Variants in DPP10 observed in about 807,000 individuals in gnomAD.
DPP10 encodes the protein inactive dipeptidyl peptidase 10.
Under a neutral mutation model 120.9 loss-of-function variants are expected in DPP10, and 33 were observed. The observed-to-expected ratio is 0.27, with a 90% CI of 0.21 to 0.37. The LOEUF (loss-of-function observed/expected upper bound fraction) is 0.37, where lower values mean the gene tolerates loss of function less well. DPP10 is among the 10% of genes least tolerant of loss of function. The pLI, the probability that DPP10 is intolerant of heterozygous loss-of-function variation, is 1.00. For missense variants in DPP10, 816 were observed against 942.8 expected (o/e 0.87, Z 1.76); for synonymous variants, 337 against 326.1 (o/e 1.03, Z -0.36).
chr2:115,657,060 A>G (rs1171111152), intron 5 of DPP10, among the ~76,000 whole-genome samples: 2 of 151,834 alleles, frequency 1.3e-5, no homozygotes, highest in East Asian at 3.9e-4. Flanking sequence ...GATTTATTGT[A>G]GATTATACAT....
At chr2:115,818,341 G>T (rs1339668502) in intron 21 of DPP10, among the ~76,000 whole-genome samples, 2 of 152,182 alleles carry the variant, frequency 1.3e-5, no homozygotes, top group Non-Finnish European at 2.9e-5. Context: ...AAAAGTACAT[G>T]CAGTAGGGAA....
intron 13 of DPP10, among the ~76,000 whole-genome samples, chr2:115,768,840 T>C (rs903538579): frequency 6.6e-6 from 1 of 152,060 alleles, no homozygotes; most frequent in Non-Finnish European, 1.5e-5. Context: ...GAATAAATTA[T>C]GGCACATCCC....
chr2:115,468,809 G>A, intron 3 of DPP10: 1 of 453,908 alleles, frequency 2.2e-6, no homozygotes, highest in East Asian at 5.8e-5. Context: ...AGGTGTGCAG[G>A]TGCCCTCTGT....
chr2:115,766,047 C>T (rs1253220012), intron 12 of DPP10, among the ~76,000 whole-genome samples: 1 of 151,676 alleles, frequency 6.6e-6, no homozygotes, highest in Non-Finnish European at 1.5e-5. Flanking sequence ...TTATTGAGCT[C>T]AATTTACATG....
intron 1 of DPP10, among the ~76,000 whole-genome samples, chr2:114,818,865 C>A (rs1187149881): frequency 1.3e-5 from 2 of 152,104 alleles, no homozygotes; most frequent in Non-Finnish European, 2.9e-5. Flanking sequence ...CAATGCCATT[C>A]CCTAATAAAT....
chr2:115,452,572 A>C (rs574051132), intron 3 of DPP10, among the ~76,000 whole-genome samples: 4 of 152,022 alleles, frequency 2.6e-5, no homozygotes, highest in African/African-American at 9.6e-5. Context: ...TCTGCTTGCA[A>C]GGTATCTGTG....
chr2:115,460,351 A>G (rs149966421), intron 3 of DPP10, among the ~76,000 whole-genome samples: 1 of 152,282 alleles, frequency 6.6e-6, no homozygotes, highest in East Asian at 1.9e-4. Context: ...ATAATGAAAT[A>G]CCAGGAGTTT....
intron 1 of DPP10, among the ~76,000 whole-genome samples, chr2:115,111,028 A>T (rs2049188977): frequency 6.6e-6 from 1 of 152,304 alleles, no homozygotes; most frequent in Admixed American, 6.5e-5. Flanking sequence ...AAATTATGTG[A>T]ATATGCAAAC....
intron 5 of DPP10, among the ~76,000 whole-genome samples, chr2:115,591,697 C>A (rs1243186204): frequency 6.6e-6 from 1 of 152,132 alleles, no homozygotes; most frequent in Non-Finnish European, 1.5e-5. Context: ...TGAAGAAAGT[C>A]ATTGGTAGCT....
intron 1 of DPP10, among the ~76,000 whole-genome samples, chr2:115,185,423 A>T (rs896122715): frequency 1.3e-5 from 2 of 152,172 alleles, no homozygotes; most frequent in African/African-American, 4.8e-5. Flanking sequence ...AAAGAAATAC[A>T]TTTAGTGACA....
intron 1 of DPP10, among the ~76,000 whole-genome samples, chr2:114,955,706 G>A (rs1262720678): frequency 6.6e-6 from 1 of 152,104 alleles, no homozygotes; most frequent in East Asian, 1.9e-4. Context: ...GCAAAATATA[G>A]CAAACCAAGT....
intron 1 of DPP10, among the ~76,000 whole-genome samples, chr2:114,533,884 T>C (rs1484087556): frequency 6.6e-6 from 1 of 152,232 alleles, no homozygotes; most frequent in African/African-American, 2.4e-5. Flanking sequence ...TTCACTGTGC[T>C]GGAAGCTCAC....
chr2:115,128,004 T>C (rs1393106544), intron 1 of DPP10, among the ~76,000 whole-genome samples: 1 of 152,184 alleles, frequency 6.6e-6, no homozygotes, highest in African/African-American at 2.4e-5. Context: ...AGAAAAACAA[T>C]AAAATAAAAT....
chr2:114,987,960 C>G (rs1020502490), intron 1 of DPP10, among the ~76,000 whole-genome samples: 4 of 151,850 alleles, frequency 2.6e-5, no homozygotes, highest in Non-Finnish European at 5.9e-5. Flanking sequence ...CCTGCCACCA[C>G]GCCCGGCTAA....
intron 1 of DPP10, among the ~76,000 whole-genome samples, chr2:114,693,742 C>T (rs1490228108): frequency 6.6e-6 from 1 of 151,926 alleles, no homozygotes; most frequent in Non-Finnish European, 1.5e-5. Flanking sequence ...TGTCTCTTTA[C>T]ATAATCCCAT....
At chr2:114,978,329 T>G (rs570253632) in intron 1 of DPP10, among the ~76,000 whole-genome samples, 1 of 152,332 alleles carries the variant, frequency 6.6e-6, no homozygotes, top group South Asian at 2.1e-4. Context: ...TCAGTAGGTC[T>G]CATTCAGTAG....
chr2:115,323,513 C>T (rs2062174750), intron 2 of DPP10, among the ~76,000 whole-genome samples: 1 of 152,150 alleles, frequency 6.6e-6, no homozygotes, highest in South Asian at 2.1e-4. Flanking sequence ...CACAAATGTT[C>T]TTAATGGCAT....
At chr2:115,386,280 A>C (rs1343634924) in intron 3 of DPP10, among the ~76,000 whole-genome samples, 1 of 152,164 alleles carries the variant, frequency 6.6e-6, no homozygotes, top group Non-Finnish European at 1.5e-5. Flanking sequence ...AATTTTCTTT[A>C]TCTTGTATCC....
At chr2:115,004,284 A>G (rs574069738) in intron 1 of DPP10, among the ~76,000 whole-genome samples, 1 of 152,236 alleles carries the variant, frequency 6.6e-6, no homozygotes, top group Non-Finnish European at 1.5e-5. Context: ...ACAGTGATCT[A>G]TAATACATTT....
Sources: allele counts gnomAD v4.1 joint callset (sites outside exome capture counted in the v4.1 genomes callset), GRCh38; gene constraint gnomAD v4.1.1; transcripts MANE v1.5; gene names NCBI Gene and HGNC (gene_info 2026-07-23, HGNC 2026-07-21).